The following MAGI2 variants were observed in gnomAD, a reference collection of about 807,000 sequenced individuals.
The protein encoded by MAGI2 is membrane associated guanylate kinase, WW and PDZ domain containing 2.
Under a neutral mutation model 133.3 loss-of-function variants are expected in MAGI2, and 35 were observed. The observed-to-expected ratio is 0.26, with a 90% CI of 0.20 to 0.35. The LOEUF is 0.35. Among genes scored for constraint, MAGI2 ranks in the 10% least tolerant of loss-of-function variants. The pLI is 1.00. For missense variants in MAGI2, 1,636 were observed against 1,863.4 expected (o/e 0.88, Z 2.25); for synonymous variants, 729 against 710.6 (o/e 1.03, Z -0.41).
At chr7:78,762,761 G>T (rs573621203) in intron 2 of MAGI2, among the ~76,000 whole-genome samples, 12 of 152,268 alleles carry the variant, frequency 7.9e-5, no homozygotes, top group African/African-American at 2.6e-4. Context: ...ACAGTTTTGG[G>T]GAACCACCTA....
intron 2 of MAGI2, among the ~76,000 whole-genome samples, chr7:78,795,680 C>T (rs953036937): frequency 2.6e-5 from 4 of 152,002 alleles, no homozygotes; most frequent in African/African-American, 9.7e-5. Context: ...TCACAAAAGG[C>T]TCCAAATAGG....
chr7:78,470,922 A>G (rs1035644293), intron 6 of MAGI2, among the ~76,000 whole-genome samples: 3 of 152,126 alleles, frequency 2.0e-5, no homozygotes, highest in East Asian at 1.9e-4. Context: ...AACATAAAAT[A>G]TATGTTAACG....
rs940211424 is a variant in MAGI2, at chr7:78,750,224, C to T, written c.419-122985G>A. Among the ~76,000 whole-genome samples the T allele has an allele frequency of 3.4e-4, 51 of 152,082 alleles. 1 individual carries two copies. The highest frequency in any genetic ancestry group is 9.7e-4 in the African/African-American group (40 of 41,426). Reference sequence around the variant, plus strand: ...GAAGATATGAACTCACCCTTTTTTACGGCTGGATAGTATTCCATGGTGTAT... The same window carrying T: ...GAAGATATGAACTCACCCTTTTTTATGGCTGGATAGTATTCCATGGTGTAT... On this transcript the variant is annotated intron_variant, in intron 2 of 21. Transcript: ENST00000354212.
At chr7:79,359,713 C>CAG (rs1491491988) in intron 1 of MAGI2, among the ~76,000 whole-genome samples, 10 of 135,588 alleles carry the variant, frequency 7.4e-5, no homozygotes, top group African/African-American at 2.6e-4. Flanking sequence ...CACACACACA[C>CAG]AGAAAACAAA....
chr7:78,049,724 T>C (rs139239726), intron 21 of MAGI2, among the ~76,000 whole-genome samples: 1 of 152,344 alleles, frequency 6.6e-6, no homozygotes, highest in Non-Finnish European at 1.5e-5. Flanking sequence ...AAGAATACAG[T>C]TGACGAGACT....
intron 1 of MAGI2, among the ~76,000 whole-genome samples, chr7:79,121,137 C>T (rs1212640103): frequency 6.6e-6 from 1 of 151,992 alleles, no homozygotes; most frequent in Non-Finnish European, 1.5e-5. Context: ...AGTAAAAGAA[C>T]CAATAAAATA....
intron 1 of MAGI2, among the ~76,000 whole-genome samples, chr7:79,334,031 G>T (rs1406832531): frequency 6.6e-6 from 1 of 152,238 alleles, no homozygotes; most frequent in South Asian, 2.1e-4. Flanking sequence ...AAATAGGTTT[G>T]CTATCTAATT....
At position 78,196,287 on chromosome 7, in the gene MAGI2, T is replaced by C. The variant is rs566480938; in HGVS notation, c.2080-1224A>G. Among the ~76,000 whole-genome samples, 3 of 151,984 alleles carry C rather than the reference T, an allele frequency of 2.0e-5. No individual in the cohort carries two copies. The South Asian group carries it at 6.3e-4, about 32-fold the overall frequency. ...CTGCCCCTCGCACCACTTCCTCACA[T>C]CCAACTGTGATTACCACGAGTCTAC... On this transcript the variant is annotated intron_variant, in intron 11 of 21. Coordinates refer to ENST00000354212, the MANE Select transcript of MAGI2 (RefSeq NM_012301.4).
intron 2 of MAGI2, among the ~76,000 whole-genome samples, chr7:78,980,392 TTAAAAC>T (rs1804673977): frequency 6.6e-6 from 1 of 151,982 alleles, no homozygotes; most frequent in South Asian, 2.1e-4. Flanking sequence ...TTGTATGAAA[TTAAAAC>T]TAAGTGACTT....
intron 1 of MAGI2, among the ~76,000 whole-genome samples, chr7:79,435,986 T>G (rs952909791): frequency 6.6e-6 from 1 of 152,218 alleles, no homozygotes; most frequent in Middle Eastern, 3.4e-3. Context: ...CCAACTGATC[T>G]TTAACAAGGT....
intron 3 of MAGI2, among the ~76,000 whole-genome samples, chr7:78,611,982 T>C (rs1806497958): frequency 6.6e-6 from 1 of 152,196 alleles, no homozygotes; most frequent in Non-Finnish European, 1.5e-5. Context: ...CTTGATATAT[T>C]TAAGTCCAAA....
chr7:79,291,653 C>G (rs7456786), intron 1 of MAGI2, among the ~76,000 whole-genome samples: 14 of 152,226 alleles, frequency 9.2e-5, no homozygotes, highest in Middle Eastern at 3.4e-3. Context: ...ATTTGTACTT[C>G]TATAATGACT....
At chr7:79,148,598 C>A (rs183138439) in intron 1 of MAGI2, among the ~76,000 whole-genome samples, 3 of 151,926 alleles carry the variant, frequency 2.0e-5, no homozygotes, top group Admixed American at 1.3e-4. Context: ...TCTGTGTAAT[C>A]CTTTGTCCCA....
At position 78,206,225 on chromosome 7, in the gene MAGI2, A is replaced by T. The variant is rs1054951238; in HGVS notation, c.2048-5032T>A. On this transcript the variant is annotated intron_variant, in intron 10 of 21. Coordinates refer to ENST00000354212, the MANE Select transcript of MAGI2 (RefSeq NM_012301.4). ...AGAGTTCAAAATACAATGAAGAGCA[A>T]CTTTAATCTATCATGATATCGTCAA... Among the ~76,000 whole-genome samples, 3 of 152,152 alleles carry T rather than the reference A, an allele frequency of 2.0e-5. No homozygotes were observed. In the East Asian group the frequency reaches 5.8e-4, roughly 29 times the overall value.
intron 5 of MAGI2, among the ~76,000 whole-genome samples, chr7:78,498,712 G>A (rs1165962686): frequency 1.3e-5 from 2 of 152,110 alleles, no homozygotes; most frequent in Admixed American, 6.5e-5. Context: ...AGGTTCAAAG[G>A]TAACCTTTAT....
intron 21 of MAGI2, among the ~76,000 whole-genome samples, chr7:78,045,607 C>T (rs943964291): frequency 6.6e-6 from 1 of 152,140 alleles, no homozygotes; most frequent in African/African-American, 2.4e-5. Context: ...ATAATGATGG[C>T]GTTTTCATGA....
intron 21 of MAGI2, among the ~76,000 whole-genome samples, chr7:78,035,530 T>TA (rs1469585014): frequency 6.6e-6 from 1 of 152,196 alleles, no homozygotes; most frequent in African/African-American, 2.4e-5. Context: ...TCTCTCTATA[T>TA]AATCAGTCAA....
chr7:79,109,044 C>A (rs1818688504), intron 1 of MAGI2, among the ~76,000 whole-genome samples: 1 of 152,148 alleles, frequency 6.6e-6, no homozygotes, highest in Admixed American at 6.5e-5. Context: ...GAACCATGAG[C>A]CAATTAAGCC....
At chr7:78,959,509 C>T (rs1452111889) in intron 2 of MAGI2, among the ~76,000 whole-genome samples, 1 of 151,548 alleles carries the variant, frequency 6.6e-6, no homozygotes, top group Non-Finnish European at 1.5e-5. Flanking sequence ...GAGAATGAGA[C>T]ACTACCTGTC....
Sources: gnomAD v4.1 joint callset for allele counts (sites outside exome capture counted in the v4.1 genomes callset) on GRCh38, gnomAD v4.1.1 for gene constraint, MANE v1.5 for transcripts, NCBI Gene and HGNC (gene_info 2026-07-23, HGNC 2026-07-21) for gene names.